Variants in EPS15 observed in about 807,000 individuals in gnomAD.
EPS15 encodes epidermal growth factor receptor substrate 15.
In EPS15, 72 loss-of-function variants were observed where a neutral mutation model predicts 113.8. That is an observed-to-expected ratio of 0.63 (90% CI 0.52 to 0.77). The LOEUF is 0.77. EPS15 is among the 30% of genes least tolerant of loss of function. The pLI is 0.00. For missense variants in EPS15, 1,048 were observed against 1,045.8 expected (o/e 1.00, Z -0.03); for synonymous variants, 344 against 363.4 (o/e 0.95, Z 0.61).
chr1:51,456,637 A>G (rs1341641270), intron 8 of EPS15, among the ~76,000 whole-genome samples: 1 of 152,232 alleles, frequency 6.6e-6, no homozygotes, highest in Non-Finnish European at 1.5e-5. Context: ...TCACTACTGC[A>G]AAAGTATTTT....
chr1:51,404,568 T>G (rs1005028295), intron 16 of EPS15, among the ~76,000 whole-genome samples: 2 of 152,210 alleles, frequency 1.3e-5, no homozygotes, highest in Non-Finnish European at 2.9e-5. Context: ...ATTCTTCTCA[T>G]TATCCCTTCT....
At chr1:51,456,880 A>G (rs1429647112) in intron 8 of EPS15, among the ~76,000 whole-genome samples, 1 of 152,242 alleles carries the variant, frequency 6.6e-6, no homozygotes, top group East Asian at 1.9e-4. Context: ...AATACTAGTT[A>G]TTAATATTGA....
intron 23 of EPS15, among the ~76,000 whole-genome samples, chr1:51,363,417 T>C (rs1003384634): frequency 3.2e-4 from 49 of 152,130 alleles, no homozygotes; most frequent in African/African-American, 1.1e-3. Context: ...AAAGAGGCCA[T>C]ATATTCTCAC....
intron 13 of EPS15, among the ~76,000 whole-genome samples, chr1:51,415,773 G>A: frequency 8.7e-6 from 1 of 114,716 alleles, no homozygotes; most frequent in Non-Finnish European, 1.7e-5. Context: ...TCCAGCCTGG[G>A]CAACAAGAGC....
intron 10 of EPS15, among the ~76,000 whole-genome samples, chr1:51,446,594 C>A (rs1653074213): frequency 1.3e-5 from 2 of 152,022 alleles, no homozygotes; most frequent in South Asian, 4.1e-4. Context: ...GCTGGAACTA[C>A]AGGCGCACAC....
intron 21 of EPS15, among the ~76,000 whole-genome samples, chr1:51,393,396 GACGGGGTTTC>G (rs1418208519): frequency 1.3e-5 from 2 of 152,322 alleles, no homozygotes; most frequent in Non-Finnish European, 2.9e-5. Context: ...TTTTAGTGGA[GACGGGGTTTC>G]ACCATGTTGG....
At chr1:51,507,398 C>T (rs1644515491) in intron 1 of EPS15, among the ~76,000 whole-genome samples, 1 of 152,172 alleles carries the variant, frequency 6.6e-6, no homozygotes, top group Admixed American at 6.5e-5. Flanking sequence ...TGCAGTGGCT[C>T]ACACCTGTAA....
chr1:51,368,896 CCT>C (rs1393563120), intron 21 of EPS15, among the ~76,000 whole-genome samples: 1 of 152,094 alleles, frequency 6.6e-6, no homozygotes, highest in Admixed American at 6.6e-5. Context: ...GTGCCCGGCT[CCT>C]GTTATTTCTG....
At chr1:51,516,824 G>C (rs1426426972) in intron 1 of EPS15, among the ~76,000 whole-genome samples, 1 of 152,174 alleles carries the variant, frequency 6.6e-6, no homozygotes, top group Non-Finnish European at 1.5e-5. Flanking sequence ...ACCCTTTAGA[G>C]CTTTCAGTCA....
rs1282953984 is a variant in EPS15, at chr1:51,469,587, C to T, written c.214-1019G>A. ...CAACCTGTCAATACCCTAGTATAGT[C>T]GCTGATGTAATCAACCCTTCACTAC... On this transcript the variant is annotated intron_variant, in intron 4 of 24. Transcript: ENST00000371733. Among the ~76,000 whole-genome samples, 3 of 152,140 alleles carry T rather than the reference C, an allele frequency of 2.0e-5. No homozygotes were observed. In the East Asian group the frequency reaches 5.8e-4, roughly 29 times the overall value.
At chr1:51,366,182 C>A (rs1000030446) in intron 21 of EPS15, among the ~76,000 whole-genome samples, 153 bp from the exon 22 acceptor site, 2 of 152,162 alleles carry the variant, frequency 1.3e-5, no homozygotes, top group African/African-American at 2.4e-5. Context: ...ATCCTCCCAC[C>A]TCAGCCTCCT....
chr1:51,462,444 G>C (rs1045884685), intron 7 of EPS15, among the ~76,000 whole-genome samples: 9 of 151,934 alleles, frequency 5.9e-5, no homozygotes, highest in Non-Finnish European at 1.5e-5. Context: ...GGATTATGGA[G>C]AAATCACTAT....
At chr1:51,389,144 G>T (rs1463421731) in intron 21 of EPS15, among the ~76,000 whole-genome samples, 5 of 152,034 alleles carry the variant, frequency 3.3e-5, no homozygotes, top group Non-Finnish European at 1.5e-5. Context: ...TTCATCCCTG[G>T]GATGCAAGGC....
intron 21 of EPS15, among the ~76,000 whole-genome samples, chr1:51,385,987 C>T (rs1340109680): frequency 1.3e-5 from 2 of 152,118 alleles, no homozygotes; most frequent in African/African-American, 2.4e-5. Flanking sequence ...TGTGAATGTA[C>T]TTAATGCTCG....
chr1:51,507,750 A>G (rs1444613153), intron 1 of EPS15, among the ~76,000 whole-genome samples: 1 of 152,106 alleles, frequency 6.6e-6, no homozygotes, highest in Non-Finnish European at 1.5e-5. Flanking sequence ...AAGAGAGATA[A>G]TAACTACATT....
At chr1:51,410,909 T>C (rs1326308900) in intron 13 of EPS15, among the ~76,000 whole-genome samples, 2 of 152,234 alleles carry the variant, frequency 1.3e-5, no homozygotes, top group African/African-American at 4.8e-5. Flanking sequence ...AACTTATTTA[T>C]AGTCTATATG....
intron 13 of EPS15, among the ~76,000 whole-genome samples, chr1:51,414,092 T>C (rs1306377251): frequency 6.6e-6 from 1 of 152,072 alleles, no homozygotes; most frequent in East Asian, 1.9e-4. Context: ...TACCTGCAGA[T>C]CTAAAGTAAT....
chr1:51,380,197 C>G (rs562882467), intron 21 of EPS15, among the ~76,000 whole-genome samples: 1 of 151,398 alleles, frequency 6.6e-6, no homozygotes, highest in South Asian at 2.1e-4. Context: ...GCACTCCAGC[C>G]TGGGCAACAA....
chr1:51,488,582 A>ATTTTTC lies in EPS15; in HGVS notation c.34-7269_34-7268insGAAAAA, dbSNP rs1421192874. Among the ~76,000 whole-genome samples, 7 of 152,048 alleles carry ATTTTTC rather than the reference A, an allele frequency of 4.6e-5. No individual in the cohort carries two copies. The East Asian group carries it at 1.4e-3, about 29-fold the overall frequency. On this transcript the variant is annotated intron_variant, in intron 1 of 24. Coordinates refer to ENST00000371733, the MANE Select transcript of EPS15 (RefSeq NM_001981.3). Reference sequence around the variant, plus strand: ...TTAGTAGCTTATTTTACCTCCTTGAAAAGCCTGTTTCCTGATCTGGTTGGT... The same window carrying ATTTTTC: ...TTAGTAGCTTATTTTACCTCCTTGAATTTTTCAAGCCTGTTTCCTGATCTGGTTGGT...
Sources: allele counts gnomAD v4.1 joint callset (sites outside exome capture counted in the v4.1 genomes callset), GRCh38; gene constraint gnomAD v4.1.1; transcripts MANE v1.5; gene names NCBI Gene and HGNC (gene_info 2026-07-23, HGNC 2026-07-21).